MAML3: variants seen among roughly 807,000 people sequenced by gnomAD.
The protein encoded by MAML3 is mastermind like transcriptional coactivator 3.
A neutral mutation model predicts 101.9 loss-of-function variants in MAML3; 27 were observed. The ratio of observed to expected loss-of-function variants is 0.27; its 90% confidence interval spans 0.20 to 0.37. The LOEUF is 0.37. MAML3 is among the 10% of genes least tolerant of loss of function. The pLI is 1.00. For synonymous variants in MAML3, 501 were observed against 555.9 expected, an observed-to-expected ratio of 0.90 and a Z score of 1.39; for missense variants, 1,316 against 1,444.9, an observed-to-expected ratio of 0.91 and a Z score of 1.45.
chr4:139,843,911 G>A (rs551356214), intron 2 of MAML3, among the ~76,000 whole-genome samples: 6 of 152,178 alleles, frequency 3.9e-5, no homozygotes, highest in Non-Finnish European at 7.4e-5. Context: ...AAAGGAGAAA[G>A]CTTGGCCCAC....
chr4:140,033,514 G>A (rs1726939272), intron 1 of MAML3, among the ~76,000 whole-genome samples: 2 of 152,180 alleles, frequency 1.3e-5, no homozygotes, highest in South Asian at 4.1e-4. Context: ...CCCAGCCTGA[G>A]GAGCATCTCA....
chr4:139,829,500 G>C (rs1207978852), intron 2 of MAML3, among the ~76,000 whole-genome samples: 1 of 152,180 alleles, frequency 6.6e-6, no homozygotes, highest in East Asian at 1.9e-4. Flanking sequence ...AGGCAGATGA[G>C]GAAGCTGAAC....
intron 2 of MAML3, among the ~76,000 whole-genome samples, chr4:139,737,196 A>G (rs1008887456): frequency 1.3e-5 from 2 of 152,210 alleles, no homozygotes; most frequent in African/African-American, 4.8e-5. Flanking sequence ...ATTTGAGGAA[A>G]GTTCCCTCTG....
chr4:139,757,642 CAAAAAAAA>C (rs10583574), intron 2 of MAML3, among the ~76,000 whole-genome samples: 2 of 104,608 alleles, frequency 1.9e-5, no homozygotes, highest in South Asian at 3.4e-4. Flanking sequence ...GGCTCCATTT[CAAAAAAAA>C]AAAAAAAAAA....
chr4:139,845,351 T>C (rs751504488), intron 2 of MAML3, among the ~76,000 whole-genome samples: 6 of 152,156 alleles, frequency 3.9e-5, no homozygotes, highest in Admixed American at 6.5e-5. Flanking sequence ...AGAATGAAAA[T>C]AGAAGAGGGC....
At chr4:140,057,665 T>C (rs1315433390) in intron 1 of MAML3, among the ~76,000 whole-genome samples, 1 of 152,200 alleles carries the variant, frequency 6.6e-6, no homozygotes, top group African/African-American at 2.4e-5. Context: ...ATATTAGTAG[T>C]AATAATGGGC....
intron 1 of MAML3, among the ~76,000 whole-genome samples, chr4:140,000,574 C>G (rs576182089): frequency 3.9e-5 from 6 of 152,140 alleles, no homozygotes; most frequent in Non-Finnish European, 8.8e-5. Flanking sequence ...ACATCAAAAC[C>G]AAACTATAGG....
At chr4:139,748,462 C>T (rs11100251) in intron 2 of MAML3, among the ~76,000 whole-genome samples, 4,373 of 152,240 alleles carry the variant, frequency 0.029, 153 homozygotes, top group East Asian at 0.15. Flanking sequence ...TGGTCCTGAA[C>T]ATCAAAACGT....
chr4:139,968,334 G>GA (rs1439112800), intron 1 of MAML3, among the ~76,000 whole-genome samples: 12 of 145,322 alleles, frequency 8.3e-5, no homozygotes, highest in African/African-American at 2.3e-4. Flanking sequence ...AAAGAAAAAA[G>GA]AAAAAAAAAG....
chr4:140,006,975 C>T (rs1726464356), intron 1 of MAML3, among the ~76,000 whole-genome samples: 1 of 152,110 alleles, frequency 6.6e-6, no homozygotes, highest in African/African-American at 2.4e-5. Flanking sequence ...CAAAAAGCTT[C>T]ATAAGCTTTT....
intron 2 of MAML3, chr4:139,731,435 T>TTA (rs1491282159): frequency 2.6e-5 from 1 of 38,718 alleles, no homozygotes; most frequent in Non-Finnish European, 5.0e-5. Flanking sequence ...CTGTCTCTAC[T>TTA]AAAAAAAAAA....
In MAML3 at chr4:139,975,438, C is replaced by T. The variant is rs534636806; in HGVS notation, c.469-84471G>A. Among the ~76,000 whole-genome samples the T allele has an allele frequency of 1.8e-4, 27 of 152,286 alleles. No individual in the cohort carries two copies. In the Middle Eastern group the frequency reaches 0.014, roughly 77 times the overall value. Reference sequence around the variant, plus strand: ...ACACACAGGCTCACACATGAACACGCGTGCAGGCATGCACACACACACACC... The same window carrying T: ...ACACACAGGCTCACACATGAACACGTGTGCAGGCATGCACACACACACACC... On this transcript the variant is annotated intron_variant, in intron 1 of 4. Transcript: ENST00000509479.
At chr4:139,953,477 T>G (rs1733864922) in intron 1 of MAML3, among the ~76,000 whole-genome samples, 1 of 152,164 alleles carries the variant, frequency 6.6e-6, no homozygotes, top group Non-Finnish European at 1.5e-5. Context: ...AATACAAAAA[T>G]TAGCACGGCA....
At chr4:139,729,174 A>G (rs1287498631) in intron 3 of MAML3, among the ~76,000 whole-genome samples, 1 of 151,538 alleles carries the variant, frequency 6.6e-6, no homozygotes, top group Admixed American at 6.6e-5. Flanking sequence ...AAAAAAAAAA[A>G]AAAAAGGGAA....
At chr4:139,986,617 C>CTT (rs113575434) in intron 1 of MAML3, among the ~76,000 whole-genome samples, 1 of 147,108 alleles carries the variant, frequency 6.8e-6, no homozygotes, top group Non-Finnish European at 1.5e-5. Context: ...GTTCGACTTA[C>CTT]TTTTTTTTTT....
At chr4:140,000,755 C>G (rs1287453214) in intron 1 of MAML3, among the ~76,000 whole-genome samples, 1 of 152,098 alleles carries the variant, frequency 6.6e-6, no homozygotes, top group Admixed American at 6.5e-5. Context: ...TGGCTGGGTG[C>G]GGTGGCTCAC....
intron 1 of MAML3, among the ~76,000 whole-genome samples, chr4:139,904,079 A>G (rs1247782813): frequency 1.3e-5 from 2 of 152,176 alleles, no homozygotes; most frequent in Non-Finnish European, 2.9e-5. Flanking sequence ...TCTTACTACC[A>G]CAGCAGAGAT....
intron 2 of MAML3, among the ~76,000 whole-genome samples, chr4:139,865,491 T>G (rs1247645067): frequency 6.9e-5 from 7 of 101,026 alleles, no homozygotes; most frequent in East Asian, 4.5e-4. Context: ...AAAGGTTTTT[T>G]TTTTGTTTTT....
chr4:140,076,455 CTT>C (rs1727767612), intron 1 of MAML3, among the ~76,000 whole-genome samples: 1 of 152,110 alleles, frequency 6.6e-6, no homozygotes, highest in Non-Finnish European at 1.5e-5. Flanking sequence ...ACAAATGAGA[CTT>C]TTGTGGTTGA....
Sources: allele counts gnomAD v4.1 joint callset (sites outside exome capture counted in the v4.1 genomes callset), GRCh38; gene constraint gnomAD v4.1.1; transcripts MANE v1.5; gene names NCBI Gene and HGNC (gene_info 2026-07-23, HGNC 2026-07-21).